The following RAPGEF2 variants were observed in gnomAD, a reference collection of about 807,000 sequenced individuals.
The protein encoded by RAPGEF2 is PDZ domain containing guanine nucleotide exchange factor (GEF) 1.
RAPGEF2 carries 54 observed loss-of-function variants against 186.7 expected under a neutral mutation model. The observed-to-expected ratio is 0.29, with a 90% CI of 0.23 to 0.36. RAPGEF2 has a LOEUF of 0.36. Ranked by LOEUF, RAPGEF2 falls within the 10% of genes least tolerant of loss-of-function variation. The pLI, the probability that RAPGEF2 is intolerant of heterozygous loss-of-function variation, is 1.00. For missense variants in RAPGEF2, 1,532 were observed against 2,045.0 expected, an observed-to-expected ratio of 0.75 and a Z score of 4.84; for synonymous variants, 712 against 705.9, an observed-to-expected ratio of 1.01 and a Z score of -0.14.
At chr4:159,332,839 CAAT>C in intron 17 of RAPGEF2, 142 bp downstream of exon 17, 3 of 1,015,154 alleles carry the variant, frequency 3.0e-6, no homozygotes, top group Non-Finnish European at 4.1e-6. Flanking sequence ...CAGTATTAAA[CAAT>C]CAAATTTGTT....
chr4:159,258,980 T>C (rs753434849), intron 7 of RAPGEF2, among the ~76,000 whole-genome samples: 4 of 152,190 alleles, frequency 2.6e-5, no homozygotes, highest in African/African-American at 4.8e-5. Flanking sequence ...CTGACACTTA[T>C]TGAAGGTTTA....
At chr4:159,225,362 G>T in intron 4 of RAPGEF2, among the ~76,000 whole-genome samples, 1 of 152,284 alleles carries the variant, frequency 6.6e-6, no homozygotes, top group African/African-American at 2.4e-5. Flanking sequence ...ACTGAATTTT[G>T]TAAATGAGGC....
chr4:159,351,110 C>T, intron 26 of RAPGEF2: 1 of 1,535,104 alleles, frequency 6.5e-7, no homozygotes, highest in Non-Finnish European at 8.7e-7. Context: ...TTGGACTTAA[C>T]CAGTTCCTCC....
chr4:159,353,632 T>C lies in RAPGEF2; in HGVS notation c.4237T>C (p.Cys1413Arg). ...CAGTGGCCGTGGGAGCTGGACGTCA[T>C]GCTCAAGTGGCTCCCATGATAATAT... Reference protein sequence around the residue: ...ADSGRGSWTSCSSGSHDNIQT... With the variant: ...ADSGRGSWTSRSSGSHDNIQT... Residue 1413 changes from cysteine (C) to arginine (R), a missense_variant, in exon 28 of 30, where the codon TGC becomes CGC. Transcript: ENST00000691494. This position sits in a 1 kb window ranked among gnomAD's most constrained non-coding sequence, Gnocchi z 4.3. The C allele has an allele frequency of 1.3e-6, 2 of 1,596,016 alleles. No individual in the cohort carries two copies. Among genetic ancestry groups the C allele is most frequent in the Non-Finnish European group, 8.5e-7 (1 of 1,172,596 alleles).
intron 6 of RAPGEF2, among the ~76,000 whole-genome samples, chr4:159,242,802 C>T (rs1369846385): frequency 6.6e-6 from 1 of 151,926 alleles, no homozygotes; most frequent in Admixed American, 6.6e-5. Flanking sequence ...ATTAATAGTA[C>T]AACACAGATA....
rs764428050 is a variant in RAPGEF2 at position 159,353,492 on chromosome 4, A to G, written c.4097A>G (p.Tyr1366Cys). The change falls in exon 28 of 30, where the codon TAT becomes TGT. Residue 1366 changes from tyrosine to cysteine, a missense_variant. This residue lies in a region of RAPGEF2 where 594 missense variants were observed against 608.5 expected (regional missense o/e 0.98). Coordinates refer to ENST00000691494, the MANE Select transcript of RAPGEF2 (RefSeq NM_001394067.2). This position sits in a 1 kb window ranked among gnomAD's most constrained non-coding sequence, Gnocchi z 4.3. ...CATTTCTTTTAACCACTTAGGTCCT[A>G]TGCACCAATGTCCGAGGGCCGAGGC... ...IEPDQYSLGS[Y>C]APMSEGRGLY... 5 of 1,476,814 alleles carry G rather than the reference A, an allele frequency of 3.4e-6. No individual in the cohort carries two copies. Among genetic ancestry groups the G allele is most frequent in the Non-Finnish European group, 3.6e-6 (4 of 1,114,798 alleles). 91.5% of individuals were successfully genotyped at this position (1,476,814 alleles called of 1,614,324 possible).
At chr4:159,311,077 C>T (rs2111090212) in intron 8 of RAPGEF2, among the ~76,000 whole-genome samples, 1 of 152,190 alleles carries the variant, frequency 6.6e-6, no homozygotes, top group East Asian at 1.9e-4. Flanking sequence ...TGAGTCCTAG[C>T]ACAGTTACTG....
chr4:159,137,193 A>G (rs1213559341), intron 1 of RAPGEF2, among the ~76,000 whole-genome samples: 3 of 152,234 alleles, frequency 2.0e-5, no homozygotes, highest in Non-Finnish European at 4.4e-5. Flanking sequence ...TACCATAGAC[A>G]GGGTGGCTTA....
At chr4:159,357,332 G>A (rs1235915428) in intron 29 of RAPGEF2, among the ~76,000 whole-genome samples, 1 of 152,184 alleles carries the variant, frequency 6.6e-6, no homozygotes, top group African/African-American at 2.4e-5. Context: ...CTGCACCGTA[G>A]CCTAGGTAGC....
intron 1 of RAPGEF2, among the ~76,000 whole-genome samples, chr4:159,135,820 A>G (rs1723025377): frequency 6.6e-6 from 1 of 152,016 alleles, no homozygotes; most frequent in African/African-American, 2.4e-5. Context: ...GCTGATCTCA[A>G]ACTCTCGACC....
At chr4:159,273,634 CTTT>C (rs1758409570) in intron 7 of RAPGEF2, among the ~76,000 whole-genome samples, 3 of 25,502 alleles carry the variant, frequency 1.2e-4, no homozygotes, top group African/African-American at 4.4e-4. Flanking sequence ...CAGTTTCTTT[CTTT>C]CTTTCTTTCT....
intron 2 of RAPGEF2, among the ~76,000 whole-genome samples, chr4:159,189,316 A>G (rs1195650331): frequency 6.6e-6 from 1 of 152,234 alleles, no homozygotes; most frequent in Non-Finnish European, 1.5e-5. Flanking sequence ...GTTAAAGTAG[A>G]CATTACTGTG....
At chr4:159,293,008 A>G (rs1232439807) in intron 7 of RAPGEF2, among the ~76,000 whole-genome samples, 1 of 152,180 alleles carries the variant, frequency 6.6e-6, no homozygotes, top group Non-Finnish European at 1.5e-5. Context: ...GCCTAGTGAT[A>G]TGCTAGATTT....
chr4:159,145,845 T>G (rs1742904123), intron 1 of RAPGEF2, among the ~76,000 whole-genome samples: 1 of 152,164 alleles, frequency 6.6e-6, no homozygotes, highest in South Asian at 2.1e-4. Context: ...AAACCCCAGG[T>G]GCATGGCTTG....
chr4:159,343,731 C>T (rs995881367), intron 22 of RAPGEF2, among the ~76,000 whole-genome samples: 24 of 152,266 alleles, frequency 1.6e-4, no homozygotes, highest in African/African-American at 5.3e-4. Flanking sequence ...TATGTAAATA[C>T]CCCAAATAGT....
At chr4:159,218,651 G>A (rs7684640) in intron 4 of RAPGEF2, among the ~76,000 whole-genome samples, 30,634 of 151,850 alleles carry the variant, frequency 0.2, 3,401 homozygotes, top group Non-Finnish European at 0.25. Flanking sequence ...CCAGCTACTC[G>A]GGAGGATGAG....
chr4:159,249,869 C>T (rs2111505229), intron 7 of RAPGEF2, among the ~76,000 whole-genome samples: 1 of 152,164 alleles, frequency 6.6e-6, no homozygotes, highest in Non-Finnish European at 1.5e-5. Context: ...ACCATCTTAA[C>T]ATTTTTATGA....
chr4:159,254,600 C>CTTTT (rs34644510), intron 7 of RAPGEF2, among the ~76,000 whole-genome samples: 4 of 124,562 alleles, frequency 3.2e-5, no homozygotes, highest in Non-Finnish European at 5.0e-5. Context: ...TACAGCATGA[C>CTTTT]TTTTTTTTTT....
chr4:159,195,947 G>A (rs1157936263), intron 3 of RAPGEF2, among the ~76,000 whole-genome samples: 2 of 124,912 alleles, frequency 1.6e-5, no homozygotes, highest in Admixed American at 2.1e-4. Context: ...TGTGAGCTAT[G>A]CTGATAATGC....
Sources: gnomAD v4.1 joint callset for allele counts (sites outside exome capture counted in the v4.1 genomes callset) on GRCh38, gnomAD v4.1.1 for gene constraint, gnomAD v4.1.1 regional missense constraint, Gnocchi (gnomAD v3.1) non-coding constraint, MANE v1.5 for transcripts, NCBI Gene and HGNC (gene_info 2026-07-23, HGNC 2026-07-21) for gene names.